DENND1A: variants seen among roughly 807,000 people sequenced by gnomAD.
The protein encoded by DENND1A is DENN domain containing 1A, also known as DENN domain-containing protein 1A.
In DENND1A, 51 loss-of-function variants were observed where a neutral mutation model predicts 113.7. The ratio of observed to expected loss-of-function variants is 0.45; its 90% CI spans 0.36 to 0.57. The LOEUF (loss-of-function observed/expected upper bound fraction) is 0.57. Among genes scored for constraint, DENND1A ranks in the 20% least tolerant of loss-of-function variants. The pLI, the probability that DENND1A is intolerant of heterozygous loss-of-function variation, is 0.00. For missense variants in DENND1A, 1,258 were observed against 1,395.9 expected, an observed-to-expected ratio of 0.90 and a Z score of 1.57; for synonymous variants, 565 against 570.8, an observed-to-expected ratio of 0.99 and a Z score of 0.14.
intron 7 of DENND1A, among the ~76,000 whole-genome samples, chr9:123,670,280 A>G (rs1228509908): frequency 6.6e-6 from 1 of 152,208 alleles, no homozygotes; most frequent in Non-Finnish European, 1.5e-5. Context: ...AAAACTCTTA[A>G]AATTTTCAGG....
At chr9:123,825,469 T>C (rs1176160508) in intron 2 of DENND1A, among the ~76,000 whole-genome samples, 1 of 152,202 alleles carries the variant, frequency 6.6e-6, no homozygotes, top group Non-Finnish European at 1.5e-5. Context: ...TCAGGACTCA[T>C]ATTCCTTTCT....
chr9:123,844,401 A>C (rs989089563), intron 2 of DENND1A, among the ~76,000 whole-genome samples: 1 of 152,316 alleles, frequency 6.6e-6, no homozygotes, highest in East Asian at 1.9e-4. Context: ...ATTTTTAAAA[A>C]TCAATTCTAT....
intron 2 of DENND1A, among the ~76,000 whole-genome samples, chr9:123,865,706 T>G (rs1845717575): frequency 6.6e-6 from 1 of 151,988 alleles, no homozygotes; most frequent in Non-Finnish European, 1.5e-5. Flanking sequence ...AATGTGATGA[T>G]AATATGAGAT....
chr9:123,622,130 TA>T (rs1345354598), intron 10 of DENND1A, among the ~76,000 whole-genome samples: 1 of 152,228 alleles, frequency 6.6e-6, no homozygotes, highest in Non-Finnish European at 1.5e-5. Context: ...GTACATATCC[TA>T]TTTGACTTCT....
chr9:123,386,006 A>G (rs914472739), intron 22 of DENND1A, among the ~76,000 whole-genome samples: 1 of 152,230 alleles, frequency 6.6e-6, no homozygotes, highest in African/African-American at 2.4e-5. Flanking sequence ...TTCTAAGGTC[A>G]TGGGCTAAGG....
chr9:123,778,855 G>T (rs372761515), intron 3 of DENND1A, among the ~76,000 whole-genome samples: 1 of 152,234 alleles, frequency 6.6e-6, no homozygotes, highest in East Asian at 1.9e-4. Flanking sequence ...AAGGTAAAAT[G>T]CCAATGCCAG....
chr9:123,467,597 G>T (rs2049059970), intron 13 of DENND1A, among the ~76,000 whole-genome samples: 1 of 152,202 alleles, frequency 6.6e-6, no homozygotes, highest in Non-Finnish European at 1.5e-5. Context: ...AGAGGTTGCA[G>T]TGAGCCGAGA....
chr9:123,394,190 G>T (rs1000721348), intron 21 of DENND1A, among the ~76,000 whole-genome samples: 6 of 152,056 alleles, frequency 3.9e-5, no homozygotes, highest in African/African-American at 7.2e-5. Flanking sequence ...TAGAGATGGG[G>T]TTTCACCATG....
intron 2 of DENND1A, among the ~76,000 whole-genome samples, chr9:123,825,251 T>C (rs1022551588): frequency 1.4e-4 from 21 of 150,488 alleles, no homozygotes; most frequent in African/African-American, 4.7e-4. Flanking sequence ...ATAAGCACAA[T>C]CAATTAGTGA....
Position 123,710,560 on chromosome 9 carries a change from C to CACACACACACACAT in DENND1A, c.303-33772_303-33771insATGTGTGTGTGTGT, listed in dbSNP as rs60092060. 2.2e-3 allele frequency among the ~76,000 whole-genome samples: 325 copies of CACACACACACACAT among 148,976 alleles called. 18 individuals carry two copies. Among genetic ancestry groups the CACACACACACACAT allele is most frequent in the African/African-American group, 4.1e-3 (162 of 39,726 alleles). On this transcript the variant is annotated intron_variant, in intron 5 of 23. Transcript: ENST00000394215. ...ACACACACACACACACACACACACA[C>CACACACACACACAT]TGGCATCATACAAATTTGCTTTGAG... is the stretch of plus-strand genomic sequence containing the variant.
At position 123,845,670 on chromosome 9, in the gene DENND1A, C is replaced by CAAAAAAAAA. The variant is rs555731367; in HGVS notation, c.88+33272_88+33280dup. Among the ~76,000 whole-genome samples, 16 of 44,092 alleles carry CAAAAAAAAA rather than the reference C, an allele frequency of 3.6e-4. 1 individual carries two copies. The highest frequency in any genetic ancestry group is 1.0e-3 in the African/African-American group (13 of 12,918). 28.9% of individuals were successfully genotyped at this position (44,092 alleles called of 152,430 possible). On this transcript the variant is annotated intron_variant, in intron 2 of 23. Transcript: ENST00000394215. ...GGGTGACCAAGTGAGAACCTGTCTC[C>CAAAAAAAAA]AAAAAAAAAAAAAAAAAAAAAAAAA...
At chr9:123,453,068 T>G (rs1588608296) in intron 16 of DENND1A, among the ~76,000 whole-genome samples, 1 of 152,130 alleles carries the variant, frequency 6.6e-6, no homozygotes, top group South Asian at 2.1e-4. Flanking sequence ...GGACCTGAAG[T>G]GCACAGGGCA....
intron 1 of DENND1A, among the ~76,000 whole-genome samples, chr9:123,910,849 A>G (rs968402041): frequency 4.6e-5 from 7 of 152,224 alleles, no homozygotes; most frequent in African/African-American, 1.4e-4. Context: ...AGGTTGAGGC[A>G]TAAGAATCAC....
rs1447097292 is a variant in DENND1A, at chr9:123,528,297, T to G, written c.993+29273A>C. Among the ~76,000 whole-genome samples, 3 of 152,226 alleles carry G rather than the reference T, an allele frequency of 2.0e-5. No homozygotes were observed. In the East Asian group the frequency reaches 5.8e-4, roughly 29 times the overall value. On this transcript the variant is annotated intron_variant, in intron 13 of 23. Coordinates refer to ENST00000394215, the MANE Select transcript of DENND1A (RefSeq NM_001352964.2). Reference sequence around the variant, plus strand: ...AGCTACTGAGAAAGTGAAGCCATTTTCTTCTTGGGCAGCTTCTCCAGTATA... The same window carrying G: ...AGCTACTGAGAAAGTGAAGCCATTTGCTTCTTGGGCAGCTTCTCCAGTATA...
chr9:123,672,348 A>G (rs565034633), intron 6 of DENND1A, among the ~76,000 whole-genome samples: 3 of 152,272 alleles, frequency 2.0e-5, no homozygotes, highest in African/African-American at 4.8e-5. Context: ...GTGTGTGTGC[A>G]TGTGTTTGGT....
intron 9 of DENND1A, among the ~76,000 whole-genome samples, chr9:123,648,868 C>A (rs572422265): frequency 6.6e-6 from 1 of 152,230 alleles, no homozygotes; most frequent in Non-Finnish European, 1.5e-5. Context: ...ATTATTGATT[C>A]CCCAGAGATG....
intron 16 of DENND1A, 139 bp from the exon 17 acceptor site, chr9:123,452,486 A>G: frequency 1.4e-6 from 1 of 704,478 alleles, no homozygotes. Context: ...CTGGATGATA[A>G]CTGGTCCCTG....
chr9:123,823,446 C>A (rs1454964104), intron 2 of DENND1A, among the ~76,000 whole-genome samples: 1 of 152,100 alleles, frequency 6.6e-6, no homozygotes, highest in Non-Finnish European at 1.5e-5. Flanking sequence ...TCACTGAGCA[C>A]AAGGGAGCCA....
intron 5 of DENND1A, among the ~76,000 whole-genome samples, chr9:123,718,186 A>G (rs576182503): frequency 1.3e-5 from 2 of 152,360 alleles, no homozygotes; most frequent in African/African-American, 4.8e-5. Flanking sequence ...TGCTCTTTAT[A>G]GCTGAAGTGT....
Sources: allele counts gnomAD v4.1 joint callset (sites outside exome capture counted in the v4.1 genomes callset), GRCh38; gene constraint gnomAD v4.1.1; transcripts MANE v1.5; gene names NCBI Gene and HGNC (gene_info 2026-07-23, HGNC 2026-07-21).